The following STPG4 variants were observed in gnomAD, a reference collection of about 807,000 sequenced individuals.
STPG4 encodes the protein sperm-tail PG-rich repeat containing 4, also known as protein STPG4.
In STPG4, 41 loss-of-function variants were observed where a neutral mutation model predicts 31.5. The ratio of observed to expected loss-of-function variants is 1.30; its 90% confidence interval spans 1.01 to 1.69. STPG4 has a LOEUF of 1.69. Ranked by LOEUF, STPG4 falls within the 40% of genes most tolerant of loss-of-function variation. STPG4 has a pLI of 0.00. For missense variants in STPG4, 375 were observed against 293.4 expected, an observed-to-expected ratio of 1.28 and a Z score of -2.03; for synonymous variants, 141 against 103.0, an observed-to-expected ratio of 1.37 and a Z score of -2.24.
intron 3 of STPG4, among the ~76,000 whole-genome samples, chr2:47,139,656 G>C (rs944038383): frequency 1.3e-5 from 2 of 151,820 alleles, no homozygotes; most frequent in Admixed American, 1.3e-4. Flanking sequence ...TAGATCTCAC[G>C]AATCAGATCC....
chr2:47,112,386 G>T (rs1199249290), intron 5 of STPG4, among the ~76,000 whole-genome samples: 4 of 151,976 alleles, frequency 2.6e-5, no homozygotes, highest in Non-Finnish European at 5.9e-5. Context: ...GGCCAAGCTG[G>T]TCTCAAACTC....
At chr2:47,145,010 G>A (rs906235896) in intron 3 of STPG4, among the ~76,000 whole-genome samples, 3 of 152,206 alleles carry the variant, frequency 2.0e-5, no homozygotes, top group Admixed American at 6.5e-5. Context: ...GATTACAGGC[G>A]TGAGCCACCG....
chr2:47,123,106 G>A (rs1457274849), intron 5 of STPG4, among the ~76,000 whole-genome samples: 20 of 152,142 alleles, frequency 1.3e-4, no homozygotes, highest in African/African-American at 3.9e-4. Context: ...GATTACAGGC[G>A]TGAGCCACTG....
At chr2:47,121,847 CGTGTGTGTGTGTGT>C (rs10538224) in intron 5 of STPG4, among the ~76,000 whole-genome samples, 90 of 144,314 alleles carry the variant, frequency 6.2e-4, no homozygotes, top group East Asian at 1.8e-3. Context: ...GCCCTCTCCT[CGTGTGTGTGTGTGT>C]GTGTGTGTGT....
intron 5 of STPG4, among the ~76,000 whole-genome samples, chr2:47,126,770 G>T (rs757845612): frequency 6.6e-6 from 1 of 152,108 alleles, no homozygotes; most frequent in African/African-American, 2.4e-5. Flanking sequence ...ACATTTTAAG[G>T]ATTTTTTACT....
chr2:47,097,953 TAAAA>T (rs35729993), intron 5 of STPG4, among the ~76,000 whole-genome samples: 177 of 130,114 alleles, frequency 1.4e-3, no homozygotes, highest in African/African-American at 3.7e-3. Flanking sequence ...CCCCATCTCT[TAAAA>T]AAAAAAAAAA....
At chr2:47,107,359 G>A (rs994497686) in intron 5 of STPG4, among the ~76,000 whole-genome samples, 1 of 152,154 alleles carries the variant, frequency 6.6e-6, no homozygotes, top group Non-Finnish European at 1.5e-5. Flanking sequence ...GGGCTTGGTG[G>A]GCCCCGCACT....
At chr2:47,091,140 G>A (rs1030953182) in intron 5 of STPG4, among the ~76,000 whole-genome samples, 1 of 121,470 alleles carries the variant, frequency 8.2e-6, no homozygotes, top group African/African-American at 3.1e-5. Flanking sequence ...AGGAAGGAAA[G>A]AAGGAAGGGA....
intron 5 of STPG4, among the ~76,000 whole-genome samples, chr2:47,111,601 T>G (rs187398624): frequency 6.6e-6 from 1 of 152,298 alleles, no homozygotes; most frequent in East Asian, 1.9e-4. Context: ...TTGTGAGGCT[T>G]GGTCCTTATC....
At chr2:47,138,570 A>G (rs116098940) in intron 3 of STPG4, among the ~76,000 whole-genome samples, 3,519 of 151,582 alleles carry the variant, frequency 0.023, 69 homozygotes, top group Non-Finnish European at 0.038. Flanking sequence ...TTGTTTTTTT[A>G]GATGGAGTCT....
At chr2:47,138,716 A>G (rs1000964064) in intron 3 of STPG4, among the ~76,000 whole-genome samples, 2 of 152,074 alleles carry the variant, frequency 1.3e-5, no homozygotes, top group Non-Finnish European at 2.9e-5. Context: ...CACCCAGCTA[A>G]TTTTTGTATT....
intron 5 of STPG4, among the ~76,000 whole-genome samples, chr2:47,115,815 A>G (rs1686142926): frequency 6.6e-6 from 1 of 151,960 alleles, no homozygotes; most frequent in Non-Finnish European, 1.5e-5. Context: ...GCCATGCACG[A>G]CTAATTTTTT....
intron 3 of STPG4, among the ~76,000 whole-genome samples, chr2:47,144,465 C>T (rs1301306518): frequency 6.6e-6 from 1 of 152,078 alleles, no homozygotes; most frequent in Admixed American, 6.5e-5. Flanking sequence ...AGGAGGACTG[C>T]TTGAGTCCAG....
chr2:47,151,600 T>C (rs368190020), intron 2 of STPG4, 85 bp from the exon 3 acceptor site: 1 of 1,085,284 alleles, frequency 9.2e-7, no homozygotes, highest in East Asian at 2.4e-5. Flanking sequence ...AGCTCCCAAG[T>C]AACATCTCTC....
rs561274862 is a variant in STPG4, at chr2:47,090,579, C to T, written c.520-205G>A. Among the ~76,000 whole-genome samples, 161 of 152,276 alleles carry T rather than the reference C, an allele frequency of 1.1e-3. 1 individual carries two copies. The highest frequency in any genetic ancestry group is 3.1e-3 in the Admixed American group (48 of 15,292). On this transcript the variant is annotated intron_variant, in intron 5 of 6. Coordinates refer to ENST00000445927, the MANE Select transcript of STPG4 (RefSeq NM_001163561.2). ...ACTCCTGCCTCACCTTCCTTGTGCA[C>T]GATGGTGAGGAGTGAAGGAACGTTA...
intron 5 of STPG4, among the ~76,000 whole-genome samples, chr2:47,097,113 C>T (rs557738466): frequency 1.3e-5 from 2 of 152,082 alleles, no homozygotes; most frequent in Admixed American, 1.3e-4. Context: ...GCGGAGTGCA[C>T]TCAGATTCAT....
intron 5 of STPG4, among the ~76,000 whole-genome samples, chr2:47,104,281 G>T (rs933580889): frequency 1.3e-5 from 2 of 151,956 alleles, no homozygotes; most frequent in Non-Finnish European, 2.9e-5. Context: ...AGCTCATAAA[G>T]GATTACGGAA....
intron 5 of STPG4, among the ~76,000 whole-genome samples, chr2:47,102,097 T>C (rs1558672302): frequency 6.6e-6 from 1 of 151,760 alleles, no homozygotes; most frequent in East Asian, 1.9e-4. Flanking sequence ...AAAACTAGTG[T>C]TTCTGCTGCT....
At chr2:47,124,583 T>C (rs1168983822) in intron 5 of STPG4, among the ~76,000 whole-genome samples, 14 of 152,206 alleles carry the variant, frequency 9.2e-5, no homozygotes, top group Admixed American at 6.5e-4. Context: ...GTTCTGTTCA[T>C]GTTATTGCAA....
Sources: gnomAD v4.1 joint callset for allele counts (sites outside exome capture counted in the v4.1 genomes callset) on GRCh38, gnomAD v4.1.1 for gene constraint, MANE v1.5 for transcripts, NCBI Gene and HGNC (gene_info 2026-07-23, HGNC 2026-07-21) for gene names.